HDAC9: variants seen among roughly 807,000 people sequenced by gnomAD.
The protein encoded by HDAC9 is MEF-2 interacting transcription repressor (MITR) protein.
Under a neutral mutation model 139.4 loss-of-function variants are expected in HDAC9, and 41 were observed. That is an observed-to-expected ratio of 0.29 (90% CI 0.23 to 0.38). HDAC9 has a LOEUF of 0.38. HDAC9 is among the 10% of genes least tolerant of loss of function. HDAC9 has a pLI of 1.00. For missense variants in HDAC9, 1,147 were observed against 1,297.0 expected (o/e 0.88, Z 1.78); for synonymous variants, 517 against 476.2 (o/e 1.09, Z -1.12).
At chr7:18,902,210 C>G (rs1212657917) in intron 22 of HDAC9, among the ~76,000 whole-genome samples, 4 of 152,194 alleles carry the variant, frequency 2.6e-5, no homozygotes, top group Non-Finnish European at 5.9e-5. Flanking sequence ...GCTGCTTTCT[C>G]TTACAACTTG....
chr7:18,408,412 C>T (rs762785709), intron 1 of HDAC9, among the ~76,000 whole-genome samples: 1 of 152,150 alleles, frequency 6.6e-6, no homozygotes, highest in African/African-American at 2.4e-5. Context: ...ATAGGAAAAT[C>T]AGATGCTATA....
chr7:18,747,302 G>T (rs766470508), intron 13 of HDAC9, among the ~76,000 whole-genome samples: 1 of 152,174 alleles, frequency 6.6e-6, no homozygotes, highest in Non-Finnish European at 1.5e-5. Context: ...GTCAGGTTCT[G>T]CATTACAAGG....
rs112560428 is a variant in HDAC9 at position 18,564,390 on chromosome 7, T to G, written c.23-20891T>G. Among the ~76,000 whole-genome samples the G allele has an allele frequency of 5.7e-3, 870 of 152,334 alleles. 9 individuals are homozygous for G. The highest frequency in any genetic ancestry group is 0.02 in the African/African-American group (831 of 41,584). Reference sequence around the variant, plus strand: ...TCAAGTGTGAGGTAATCCCTTTTTTTGGGGCTTGCTTATTTCTATTAAGCT... The same window carrying G: ...TCAAGTGTGAGGTAATCCCTTTTTTGGGGGCTTGCTTATTTCTATTAAGCT... On this transcript the variant is annotated intron_variant, in intron 2 of 25. Coordinates refer to ENST00000686413, the MANE Select transcript of HDAC9 (RefSeq NM_178425.4).
intron 13 of HDAC9, 146 bp from the exon 14 acceptor site, chr7:18,748,859 C>T: frequency 1.3e-6 from 1 of 770,424 alleles, no homozygotes. Flanking sequence ...TTATGTGCTC[C>T]TGAGAATTTG....
chr7:18,114,052 A>G (rs1405834035), intron 1 of HDAC9, among the ~76,000 whole-genome samples: 1 of 152,194 alleles, frequency 6.6e-6, no homozygotes, highest in Admixed American at 6.5e-5. Flanking sequence ...GGACCTCAAG[A>G]CTTTGGAAAA....
At chr7:18,829,673 G>A (rs1795717936) in intron 19 of HDAC9, 125 bp downstream of exon 19, 3 of 621,982 alleles carry the variant, frequency 4.8e-6, no homozygotes, top group South Asian at 4.1e-5. Context: ...GTTTTCCTTT[G>A]AATGTGGAAA....
chr7:18,377,287 A>G (rs1040731759), intron 1 of HDAC9, among the ~76,000 whole-genome samples: 1 of 152,164 alleles, frequency 6.6e-6, no homozygotes, highest in Non-Finnish European at 1.5e-5. Flanking sequence ...GTAGGACCCA[A>G]TCACCTACCA....
Position 18,709,835 on chromosome 7 carries a change from C to T in HDAC9, c.1732-17745C>T, listed in dbSNP as rs529976586. ...CACAGACATGAGCCATGACACCCAG[C>T]CTTGCCCTGTGATTCTATGCTTCAC... On this transcript the variant is annotated intron_variant, in intron 12 of 25. Coordinates refer to ENST00000686413, the MANE Select transcript of HDAC9 (RefSeq NM_178425.4). Among the ~76,000 whole-genome samples, 5 of 152,304 alleles carry T rather than the reference C, an allele frequency of 3.3e-5. No homozygotes were observed. In the South Asian group the frequency reaches 1.0e-3, roughly 32 times the overall value.
intron 2 of HDAC9, among the ~76,000 whole-genome samples, chr7:18,242,838 C>T (rs1794272463): frequency 6.6e-6 from 1 of 152,026 alleles, no homozygotes; most frequent in East Asian, 1.9e-4. Flanking sequence ...TATTATGTAC[C>T]TTTAGAATGG....
At chr7:18,424,089 G>A (rs990693377) in intron 1 of HDAC9, among the ~76,000 whole-genome samples, 4 of 152,130 alleles carry the variant, frequency 2.6e-5, no homozygotes, top group Non-Finnish European at 5.9e-5. Context: ...ATATGAGTTT[G>A]TTTCCTTGAT....
intron 13 of HDAC9, 39 bp from the exon 14 acceptor site, chr7:18,748,966 T>G (rs1178164): frequency 3.1e-6 from 5 of 1,592,388 alleles, no homozygotes; most frequent in Non-Finnish European, 4.3e-6. Flanking sequence ...TATCTTGTAC[T>G]GTTACTCAAT....
rs71014394 is a variant in HDAC9, at chr7:18,618,726, GTATATATATATATATA to G, written c.665-10604_665-10589del. 2.7e-4 allele frequency among the ~76,000 whole-genome samples: 33 copies of G among 120,052 alleles called. 1 individual carries two copies. Among genetic ancestry groups the G allele is most frequent in the Non-Finnish European group, 3.2e-4 (18 of 56,286 alleles). 78.8% of individuals were successfully genotyped at this position (120,052 alleles called of 152,430 possible). A position where few individuals can be genotyped will look rare whatever the true frequency, so the allele number is the denominator to read the frequency against. Reference sequence around the variant, plus strand: ...AAAGATATATCTAGTACAGAATTTTGTATATATATATATATATATATATATATATATATATGTAGGA... The same window carrying G: ...AAAGATATATCTAGTACAGAATTTTGTATATATATATATATATATGTAGGA... On this transcript the variant is annotated intron_variant, in intron 6 of 25. Transcript: ENST00000686413.
chr7:18,976,415 A>T (rs1274405893), intron 25 of HDAC9, among the ~76,000 whole-genome samples: 3 of 151,944 alleles, frequency 2.0e-5, no homozygotes, highest in Non-Finnish European at 4.4e-5. Flanking sequence ...ATACATACAC[A>T]CTCCTTACGT....
At chr7:18,557,060 A>G (rs1819028224) in intron 2 of HDAC9, among the ~76,000 whole-genome samples, 1 of 152,048 alleles carries the variant, frequency 6.6e-6, no homozygotes, top group African/African-American at 2.4e-5. Flanking sequence ...AATTCAGTAG[A>G]TTCAAGAGGA....
At position 18,727,569 on chromosome 7, in the gene HDAC9, C is replaced by T. The variant is rs1368903799; in HGVS notation, c.1732-11C>T. The T allele has an allele frequency of 6.3e-7, 1 of 1,582,680 alleles. No individual in the cohort carries two copies. Among genetic ancestry groups the T allele is most frequent in the South Asian group, 1.2e-5 (1 of 85,846 alleles). ...ACATTTCTTTCTACTGTGCTCTTTTCTTGGCAACAGCCTTTCCTGGAACCC... is the reference window on the plus strand; with the variant it reads ...ACATTTCTTTCTACTGTGCTCTTTTTTTGGCAACAGCCTTTCCTGGAACCC... On this transcript the variant is annotated splice_polypyrimidine_tract_variant and intron_variant, in intron 12 of 25. Transcript: ENST00000686413.
At position 18,996,029 on chromosome 7, in the gene HDAC9, T is replaced by G. The variant is rs4607511; in HGVS notation, c.3177T>G (p.Ala1059=). ...TGCCTGTTTATTTTTACAGAACTGC[T>G]GGTGAGCCTATGGAAGAGGAGCCAG... The part of the protein sequence containing the change: ...QPFAQEDSRT[A]GEPMEEEPAL Residue 1059 remains alanine (A), a synonymous_variant, in exon 26 of 26, where the codon GCT becomes GCG. Coordinates refer to ENST00000686413, the MANE Select transcript of HDAC9 (RefSeq NM_178425.4). The G allele has an allele frequency of 2.6e-4, 423 of 1,603,296 alleles. 2 individuals carry two copies. In the South Asian group the frequency reaches 4.4e-3, roughly 17 times the overall value.
At chr7:18,442,874 C>CAGGGA (rs1171330942) in intron 1 of HDAC9, among the ~76,000 whole-genome samples, 1 of 152,154 alleles carries the variant, frequency 6.6e-6, no homozygotes, top group Non-Finnish European at 1.5e-5. Context: ...CAGCTTCAAA[C>CAGGGA]AGGGAAGGTG....
chr7:18,136,701 C>G (rs1372821436), intron 1 of HDAC9, among the ~76,000 whole-genome samples: 1 of 151,722 alleles, frequency 6.6e-6, no homozygotes, highest in African/African-American at 2.4e-5. Flanking sequence ...GTTTTGGTTA[C>G]TGTAGCCTTG....
chr7:18,869,314 G>C (rs1473807021), intron 21 of HDAC9, among the ~76,000 whole-genome samples: 1 of 151,870 alleles, frequency 6.6e-6, no homozygotes, highest in Non-Finnish European at 1.5e-5. Context: ...GGATCATGGG[G>C]GTGGTTTCTT....
Sources: gnomAD v4.1 joint callset for allele counts (sites outside exome capture counted in the v4.1 genomes callset) on GRCh38, gnomAD v4.1.1 for gene constraint, MANE v1.5 for transcripts, NCBI Gene and HGNC (gene_info 2026-07-23, HGNC 2026-07-21) for gene names.